Variants in RBFOX1 observed in about 807,000 individuals in gnomAD.
RBFOX1 encodes RNA binding fox-1 homolog 1, also known as RNA binding protein fox-1 homolog 1.
In RBFOX1, 8 loss-of-function variants were observed where a neutral mutation model predicts 57.7. The observed-to-expected ratio is 0.14, with a 90% CI of 0.08 to 0.25. RBFOX1 has a LOEUF of 0.25. RBFOX1 is among the 10% of genes least tolerant of loss of function. The pLI is 1.00. For missense variants in RBFOX1, 611 were observed against 548.5 expected (o/e 1.11, Z -1.14); for synonymous variants, 326 against 222.4 (o/e 1.47, Z -4.15).
intron 3 of RBFOX1, among the ~76,000 whole-genome samples, chr16:6,966,781 ATCTATCTATCTGTCTGTCTGTCTGTCTG>A (rs1168042479): frequency 1.7e-5 from 1 of 59,762 alleles, no homozygotes; most frequent in African/African-American, 4.2e-5. Flanking sequence ...CTATCTATCT[ATCTATCTATCTGTCTGTCTGTCTGTCTG>A]TCTGTCTGTC....
intron 3 of RBFOX1, among the ~76,000 whole-genome samples, chr16:5,768,178 A>C (rs1313309497): frequency 6.6e-6 from 1 of 152,332 alleles, no homozygotes. Flanking sequence ...TGAGATATAT[A>C]GGATTTACCT....
intron 3 of RBFOX1, among the ~76,000 whole-genome samples, chr16:6,778,512 C>G (rs2079774130): frequency 6.6e-6 from 1 of 152,072 alleles, no homozygotes; most frequent in Admixed American, 6.6e-5. Context: ...AACATTGATT[C>G]CCTAAGATGA....
intron 4 of RBFOX1, among the ~76,000 whole-genome samples, chr16:5,966,304 G>C (rs899655474): frequency 3.9e-5 from 6 of 152,288 alleles, no homozygotes; most frequent in African/African-American, 1.4e-4. Context: ...ATTGGCTCAT[G>C]GTTCTGCAGG....
At chr16:7,286,987 C>T (rs1170856733) in intron 4 of RBFOX1, among the ~76,000 whole-genome samples, 2 of 152,118 alleles carry the variant, frequency 1.3e-5, no homozygotes, top group East Asian at 3.9e-4. Flanking sequence ...AGCTACATAA[C>T]CACTTGCCTC....
intron 4 of RBFOX1, among the ~76,000 whole-genome samples, chr16:5,870,475 A>G (rs2057443789): frequency 6.6e-6 from 1 of 151,872 alleles, no homozygotes; most frequent in African/African-American, 2.4e-5. Context: ...TCAGATGGTC[A>G]TGGTGGGGGT....
At chr16:6,624,403 C>A (rs112013917) in intron 2 of RBFOX1, among the ~76,000 whole-genome samples, 2 of 151,996 alleles carry the variant, frequency 1.3e-5, no homozygotes, top group Admixed American at 6.6e-5. Context: ...GGGCAGTATC[C>A]TTCATTATAT....
At chr16:6,146,627 C>A (rs531459190) in intron 1 of RBFOX1, among the ~76,000 whole-genome samples, 6 of 152,056 alleles carry the variant, frequency 3.9e-5, no homozygotes, top group African/African-American at 1.4e-4. Context: ...AATATAAAGT[C>A]CTTAGGACGA....
chr16:6,808,149 A>G (rs1302770092), intron 3 of RBFOX1, among the ~76,000 whole-genome samples: 1 of 134,596 alleles, frequency 7.4e-6, no homozygotes, highest in Non-Finnish European at 1.5e-5. Context: ...TATGCATATT[A>G]TACCTTATAT....
At chr16:6,210,361 C>CA (rs3064933) in intron 1 of RBFOX1, among the ~76,000 whole-genome samples, 2,082 of 61,364 alleles carry the variant, frequency 0.034, 120 homozygotes, top group African/African-American at 0.062. Context: ...AAAAAAACAC[C>CA]AAAAAAAAAA....
chr16:7,248,632 C>G (rs1043529892), intron 4 of RBFOX1, among the ~76,000 whole-genome samples: 1 of 152,116 alleles, frequency 6.6e-6, no homozygotes, highest in African/African-American at 2.4e-5. Flanking sequence ...TTTTGACCTT[C>G]CTTTTTATAA....
intron 4 of RBFOX1, among the ~76,000 whole-genome samples, chr16:7,165,404 A>AATG (rs2079234917): frequency 6.8e-6 from 1 of 147,324 alleles, no homozygotes; most frequent in Admixed American, 6.8e-5. Flanking sequence ...TAATAATAAT[A>AATG]ATAATGATAA....
At chr16:6,766,442 C>G (rs1254740552) in intron 3 of RBFOX1, among the ~76,000 whole-genome samples, 1 of 152,002 alleles carries the variant, frequency 6.6e-6, no homozygotes, top group Non-Finnish European at 1.5e-5. Flanking sequence ...TTGGCCTTTT[C>G]TAGTACAGTC....
At chr16:5,598,260 C>T (rs988925375) in intron 2 of RBFOX1, among the ~76,000 whole-genome samples, 6 of 151,728 alleles carry the variant, frequency 4.0e-5, no homozygotes, top group Admixed American at 1.3e-4. Flanking sequence ...TAGTGCATAG[C>T]ATTGCAGATG....
At chr16:6,452,778 T>G (rs1567308631) in intron 2 of RBFOX1, among the ~76,000 whole-genome samples, 1 of 152,198 alleles carries the variant, frequency 6.6e-6, no homozygotes, top group Non-Finnish European at 1.5e-5. Flanking sequence ...CTATGTGACC[T>G]GGGTTAATAA....
In RBFOX1 at chr16:5,838,249, G is replaced by A. The variant is rs867099526; in HGVS notation, c.319-29054G>A. ...GCTGCGTGGTGTCTGATCTTGCCACGTGTGTTCCAGGTGACAACAGCTCCT... is the reference window on the plus strand; with the variant it reads ...GCTGCGTGGTGTCTGATCTTGCCACATGTGTTCCAGGTGACAACAGCTCCT... On this transcript the variant is annotated intron_variant, in intron 3 of 19. Transcript: ENST00000641259. 5 of 223,212 alleles carry A rather than the reference G, an allele frequency of 2.2e-5. No homozygotes were observed. The South Asian group carries it at 2.4e-4, about 11-fold the overall frequency. The allele number at this position is 223,212 out of a possible 1,614,324, so 13.8% of individuals were successfully genotyped here. A position where few individuals can be genotyped will look rare whatever the true frequency, so the allele number is the denominator to read the frequency against.
At chr16:5,325,815 T>C (rs975649131) in intron 1 of RBFOX1, among the ~76,000 whole-genome samples, 2 of 152,220 alleles carry the variant, frequency 1.3e-5, no homozygotes, top group Non-Finnish European at 2.9e-5. Context: ...AGTTTGTTTA[T>C]CCATTCACCC....
chr16:7,058,934 C>A (rs1304320786), intron 4 of RBFOX1, among the ~76,000 whole-genome samples: 1 of 152,140 alleles, frequency 6.6e-6, no homozygotes, highest in Non-Finnish European at 1.5e-5. Context: ...ATGCAAATGA[C>A]TGAGTTTTTT....
chr16:7,649,170 A>G (rs1468591861), intron 11 of RBFOX1, among the ~76,000 whole-genome samples: 1 of 152,202 alleles, frequency 6.6e-6, no homozygotes, highest in East Asian at 1.9e-4. Flanking sequence ...CAAAAGTAAG[A>G]GGAGGAGCAT....
intron 4 of RBFOX1, among the ~76,000 whole-genome samples, chr16:5,974,156 C>G (rs1390339294): frequency 6.6e-6 from 1 of 152,170 alleles, no homozygotes; most frequent in East Asian, 1.9e-4. Flanking sequence ...GGCCGTTGTT[C>G]TACCTCGGAT....
Sources: gnomAD v4.1 joint callset for allele counts (sites outside exome capture counted in the v4.1 genomes callset) on GRCh38, gnomAD v4.1.1 for gene constraint, MANE v1.5 for transcripts, NCBI Gene and HGNC (gene_info 2026-07-23, HGNC 2026-07-21) for gene names.